CASK: variants seen among roughly 807,000 people sequenced by gnomAD.
The protein encoded by CASK is peripheral plasma membrane protein CASK.
In CASK, 4 loss-of-function variants were observed where a neutral mutation model predicts 82.9. The observed-to-expected ratio is 0.05, with a 90% confidence interval of 0.02 to 0.11. The LOEUF (loss-of-function observed/expected upper bound fraction) is 0.11. CASK is among the 10% of genes least tolerant of loss of function. The probability of loss-of-function intolerance (pLI) is 1.00; values close to 1 mark genes in which losing one functional copy is unlikely to be tolerated. For missense variants in CASK, 358 were observed against 720.9 expected, an observed-to-expected ratio of 0.50 and a Z score of 5.76; for synonymous variants, 259 against 253.5, an observed-to-expected ratio of 1.02 and a Z score of -0.20.
chrX:41,695,853 A>G, intron 5 of CASK: 1 of 1,204,595 alleles, frequency 8.3e-7, no homozygotes, highest in Non-Finnish European at 1.1e-6. Context: ...TGGGAACATA[A>G]TCGCCCTCTA....
chrX:41,714,407 TTG>T (rs2068028799), intron 5 of CASK, among the ~76,000 whole-genome samples: 1 of 111,946 alleles, frequency 8.9e-6, no homozygotes, highest in African/African-American at 3.3e-5. Context: ...CATGAAGTGG[TTG>T]TATCTCTTTC....
intron 5 of CASK, among the ~76,000 whole-genome samples, chrX:41,694,664 G>C (rs2067643748): frequency 8.9e-6 from 1 of 111,823 alleles, no homozygotes; most frequent in South Asian, 3.7e-4. Context: ...GGTTAGGAGT[G>C]GCTAACTGGC....
intron 5 of CASK, among the ~76,000 whole-genome samples, chrX:41,684,731 C>G (rs1010241617): frequency 3.6e-5 from 4 of 111,318 alleles, no homozygotes; most frequent in African/African-American, 1.3e-4. Flanking sequence ...CTCCTGGCCT[C>G]AAGTGATCCG....
intron 22 of CASK, among the ~76,000 whole-genome samples, 168 bp from the exon 23 acceptor site, chrX:41,535,141 A>C (rs1490519199): frequency 8.9e-6 from 1 of 111,920 alleles, no homozygotes; most frequent in Non-Finnish European, 1.9e-5. Flanking sequence ...TATAGCATCT[A>C]GGGAGAAATT....
intron 5 of CASK, among the ~76,000 whole-genome samples, chrX:41,710,848 G>A (rs2067965730): frequency 8.9e-6 from 1 of 111,924 alleles, no homozygotes; most frequent in Admixed American, 9.5e-5. Flanking sequence ...CCTACATAAT[G>A]AAGCCTCCAT....
chrX:41,633,426 G>A (rs2066505856), intron 9 of CASK, among the ~76,000 whole-genome samples: 1 of 110,480 alleles, frequency 9.1e-6, no homozygotes, highest in Non-Finnish European at 1.9e-5. Context: ...GAGTACAGGT[G>A]TGCCCCCTCA....
At chrX:41,529,455 C>G in intron 25 of CASK, 1 of 158,098 alleles carries the variant, frequency 6.3e-6, no homozygotes. Context: ...AGAAAGCCCT[C>G]GAAAGTGGAC....
chrX:41,717,133 C>T (rs2068075001), intron 5 of CASK, among the ~76,000 whole-genome samples: 1 of 111,235 alleles, frequency 9.0e-6, no homozygotes, highest in Non-Finnish European at 1.9e-5. Context: ...AGACCAGTTT[C>T]GATTGTGTGG....
chrX:41,745,679 C>G lies in CASK; in HGVS notation c.279-78G>C, dbSNP rs766022976. On this transcript the variant is annotated intron_variant, in intron 3 of 26. Coordinates refer to ENST00000378163, the MANE Select transcript of CASK (RefSeq NM_001367721.1). ...AACACTGAAAGTGAATACATTGTAA[C>G]TAAGTTATTAGTTGATTTACTGCTA... 1.1e-5 allele frequency: 7 copies of G among 665,473 alleles called. No individual in the cohort carries two copies. The East Asian group carries it at 2.4e-4, about 23-fold the overall frequency. The allele number at this position is 665,473 out of a possible 1,213,427, so 54.8% of individuals were successfully genotyped here.
intron 5 of CASK, among the ~76,000 whole-genome samples, chrX:41,686,709 G>A (rs1303392860): frequency 8.9e-6 from 1 of 111,880 alleles, no homozygotes; most frequent in African/African-American, 3.2e-5. Context: ...ATCATTGAGT[G>A]TTTGTATCCA....
At chrX:41,814,302 A>T (rs1333452229) in intron 2 of CASK, among the ~76,000 whole-genome samples, 1 of 111,809 alleles carries the variant, frequency 8.9e-6, no homozygotes, top group Non-Finnish European at 1.9e-5. Context: ...AAGTATGTTT[A>T]TTGCGGCACT....
chrX:41,677,352 G>A (rs1407923634), intron 5 of CASK, among the ~76,000 whole-genome samples: 2 of 110,774 alleles, frequency 1.8e-5, no homozygotes, highest in African/African-American at 3.3e-5. Context: ...CCTGGTGCAC[G>A]CCAATATCTG....
chrX:41,545,630 T>C (rs759223868), intron 21 of CASK, among the ~76,000 whole-genome samples: 3 of 111,906 alleles, frequency 2.7e-5, no homozygotes, highest in Non-Finnish European at 5.6e-5. Flanking sequence ...GCATTTTGGC[T>C]ATTCCCGACC....
chrX:41,735,136 A>G (rs977549380), intron 5 of CASK, among the ~76,000 whole-genome samples: 9 of 111,224 alleles, frequency 8.1e-5, no homozygotes, highest in African/African-American at 2.9e-4. Context: ...GAGAGAGAGA[A>G]TGAGAATATT....
In CASK at chrX:41,758,590, C is replaced by A. The variant is rs185822606; in HGVS notation, c.279-12989G>T. The stretch of plus-strand genomic sequence containing the variant: ...CAGCATTTCAAGGCATTTGTTCCGA[C>A]AAAGAACAATAAGGCCTGGAGCACC... On this transcript the variant is annotated intron_variant, in intron 3 of 26. Coordinates refer to ENST00000378163, the MANE Select transcript of CASK (RefSeq NM_001367721.1). 1.3e-3 allele frequency among the ~76,000 whole-genome samples: 139 copies of A among 111,119 alleles called. 2 individuals carry two copies. Among genetic ancestry groups the A allele is most frequent in the African/African-American group, 4.4e-3 (135 of 30,605 alleles).
At chrX:41,655,276 G>C (rs749732196) in intron 8 of CASK, among the ~76,000 whole-genome samples, 20 of 111,096 alleles carry the variant, frequency 1.8e-4, no homozygotes, top group Non-Finnish European at 3.8e-4. Context: ...AGTGCTGGTA[G>C]GGACAAATTC....
chrX:41,717,621 G>A (rs768838849), intron 5 of CASK, among the ~76,000 whole-genome samples: 2 of 112,289 alleles, frequency 1.8e-5, no homozygotes, highest in East Asian at 5.6e-4. Flanking sequence ...TGCTGTAAAG[G>A]GTGAAGCTAT....
At chrX:41,773,292 CTG>C (rs2069280756) in intron 3 of CASK, among the ~76,000 whole-genome samples, 2 of 104,859 alleles carry the variant, frequency 1.9e-5, no homozygotes, top group African/African-American at 7.0e-5. Flanking sequence ...GGAGGAATAA[CTG>C]AACCCAGGAG....
intron 5 of CASK, among the ~76,000 whole-genome samples, chrX:41,682,422 G>A (rs2067371632): frequency 1.9e-5 from 2 of 104,209 alleles, no homozygotes; most frequent in Admixed American, 2.1e-4. Flanking sequence ...GCATGGTAGC[G>A]CGTGCCTGTA....
Sources: gnomAD v4.1 joint callset for allele counts (sites outside exome capture counted in the v4.1 genomes callset) on GRCh38, gnomAD v4.1.1 for gene constraint, MANE v1.5 for transcripts, NCBI Gene and HGNC (gene_info 2026-07-23, HGNC 2026-07-21) for gene names.